RASSF9: variants seen among roughly 807,000 people sequenced by gnomAD.
RASSF9 encodes ras association domain-containing protein 9.
RASSF9 carries 18 observed loss-of-function variants against 21.4 expected under a neutral mutation model. The observed-to-expected ratio is 0.84, with a 90% CI of 0.58 to 1.25. RASSF9 has a LOEUF of 1.25. Ranked by LOEUF, RASSF9 falls within the 50% of genes most tolerant of loss-of-function variation. The probability of loss-of-function intolerance (pLI) is 0.00; values close to 1 mark genes in which losing one functional copy is unlikely to be tolerated. For synonymous variants in RASSF9, 183 were observed against 179.1 expected (o/e 1.02, Z -0.18); for missense variants, 480 against 503.2 (o/e 0.95, Z 0.44).
rs2136546796 is a variant in RASSF9, at chr12:85,801,841, A to G, written c.*2861T>C. On this transcript the variant is annotated 3_prime_UTR_variant, in exon 2 of 2. Transcript: ENST00000361228. ...AGGAAAAAAAAAATAGAATTCATTG[A>G]AGGAGGGGAATTAGGTAAGTGCATA... 1 of 152,366 alleles carries G rather than the reference A, an allele frequency of 6.6e-6. No homozygotes were observed. Among genetic ancestry groups the G allele is most frequent in the Admixed American group, 6.5e-5 (1 of 15,302 alleles). 9.4% of individuals were successfully genotyped at this position (152,366 alleles called of 1,614,324 possible).
intron 1 of RASSF9, among the ~76,000 whole-genome samples, chr12:85,832,137 G>A (rs1310857192): frequency 6.6e-6 from 1 of 151,894 alleles, no homozygotes; most frequent in Non-Finnish European, 1.5e-5. Context: ...GAAAATGAGA[G>A]AAAACTAAAT....
Position 85,835,357 on chromosome 12 carries a change from T to C in RASSF9, c.47+798A>G, listed in dbSNP as rs538081258. Among the ~76,000 whole-genome samples, 48 of 152,312 alleles carry C rather than the reference T, an allele frequency of 3.2e-4. No homozygotes were observed. In the East Asian group the frequency reaches 5.2e-3, roughly 17 times the overall value. On this transcript the variant is annotated intron_variant, in intron 1 of 1. Coordinates refer to ENST00000361228, the MANE Select transcript of RASSF9 (RefSeq NM_005447.4). ...GCATGAAAACGTAACATTTGATGTG[T>C]AAATAAAATATTTAATAAGACTAAG...
intron 1 of RASSF9, among the ~76,000 whole-genome samples, chr12:85,827,331 T>A (rs555479546): frequency 6.6e-6 from 1 of 152,280 alleles, no homozygotes; most frequent in East Asian, 1.9e-4. Context: ...ATCAATTTTG[T>A]CACCTACATT....
intron 1 of RASSF9, among the ~76,000 whole-genome samples, chr12:85,818,282 T>C (rs1391872659): frequency 2.0e-5 from 3 of 152,198 alleles, no homozygotes; most frequent in South Asian, 2.1e-4. Flanking sequence ...ATCAAACCCA[T>C]GTTACAGATT....
At position 85,804,967 on chromosome 12, in the gene RASSF9, G is replaced by C. The variant is rs761041058; in HGVS notation, c.1043C>G (p.Ser348Ter). ...GIQKEIKYSD[S>*]LLQMKAKEYE... is the part of the protein sequence containing the mutation. The stretch of plus-strand genomic sequence containing the variant: ...TTCTTTTGCTTTCATCTGAAGCAAT[G>C]AGTCACTGTATTTAATCTCTTTCTG... The change falls in exon 2 of 2, where the codon TCA becomes TGA. Residue 348 changes from serine to a stop codon, truncating the protein, a stop_gained. Coordinates refer to ENST00000361228, the MANE Select transcript of RASSF9 (RefSeq NM_005447.4). LOFTEE classifies it high-confidence loss of function. 6.8e-6 allele frequency: 11 copies of C among 1,613,822 alleles called. No homozygotes were observed. In the South Asian group the frequency reaches 1.2e-4, roughly 18 times the overall value.
Position 85,810,613 on chromosome 12 carries a change from C to T in RASSF9, c.48-4651G>A, listed in dbSNP as rs17013375. On this transcript the variant is annotated intron_variant, in intron 1 of 1. Coordinates refer to ENST00000361228, the MANE Select transcript of RASSF9 (RefSeq NM_005447.4). ...GATCACAGCCCCATGAAAATCCAGT[C>T]GTCTGATATAAATAAATATTTTAAC... Among the ~76,000 whole-genome samples the T allele has an allele frequency of 5.9e-3, 899 of 152,000 alleles. 4 individuals carry two copies. Among genetic ancestry groups the T allele is most frequent in the African/African-American group, 0.021 (853 of 41,520 alleles).
At chr12:85,832,271 A>C (rs1290700309) in intron 1 of RASSF9, among the ~76,000 whole-genome samples, 1 of 151,880 alleles carries the variant, frequency 6.6e-6, no homozygotes, top group Non-Finnish European at 1.5e-5. Context: ...AATACATTGG[A>C]CACTATTTCA....
intron 1 of RASSF9, among the ~76,000 whole-genome samples, chr12:85,815,193 C>T (rs776430561): frequency 6.6e-6 from 1 of 151,922 alleles, no homozygotes; most frequent in Non-Finnish European, 1.5e-5. Context: ...AACCAAAAAC[C>T]TCTGGTTTAG....
In RASSF9 at chr12:85,805,050, A is replaced by G. The variant is rs1879788009; in HGVS notation, c.960T>C (p.Cys320=). Residue 320 remains cysteine, a synonymous_variant, in exon 2 of 2, where the codon TGT becomes TGC. Transcript: ENST00000361228. ...CAGCTTTCATGCTTTTCTCCAAATC[A>G]CACTTAACACTCTCTAAATTAGAGC... The part of the protein sequence containing the change: ...LESSNLESVK[C]DLEKSMKAGL... 2 of 1,613,826 alleles carry G rather than the reference A, an allele frequency of 1.2e-6. No homozygotes were observed. Among genetic ancestry groups the G allele is most frequent in the Non-Finnish European group, 1.7e-6 (2 of 1,179,886 alleles).
chr12:85,816,178 G>C lies in RASSF9; in HGVS notation c.48-10216C>G, dbSNP rs536808507. On this transcript the variant is annotated intron_variant, in intron 1 of 1. Transcript: ENST00000361228. ...AGAGGGTAGAGAGTGGGAGGAGGGA[G>C]AGGTTCAGGCAAAATAACTAATGGG... Among the ~76,000 whole-genome samples the C allele has an allele frequency of 3.9e-5, 6 of 152,082 alleles. No individual in the cohort carries two copies. In the East Asian group the frequency reaches 5.8e-4, roughly 15 times the overall value.
intron 1 of RASSF9, among the ~76,000 whole-genome samples, chr12:85,806,605 G>C (rs1469249096): frequency 6.8e-6 from 1 of 147,184 alleles, no homozygotes; most frequent in Non-Finnish European, 1.5e-5. Context: ...TCCAGGAGGC[G>C]GTGGTTGCAG....
chr12:85,834,698 A>T (rs1050181303), intron 1 of RASSF9, among the ~76,000 whole-genome samples: 2 of 152,134 alleles, frequency 1.3e-5, no homozygotes, highest in African/African-American at 2.4e-5. Context: ...TTTCCAGAGT[A>T]TTTTTATACA....
rs115685484 is a variant in RASSF9, at chr12:85,829,332, T to C, written c.47+6823A>G. Among the ~76,000 whole-genome samples the C allele has an allele frequency of 5.9e-3, 897 of 152,158 alleles. 4 individuals are homozygous for C. The highest frequency in any genetic ancestry group is 0.021 in the African/African-American group (854 of 41,508). ...TTAAAAGACTCATAAAATGGTAGAG[T>C]TACTCAATTTCAAGATCTGATACAC... is the stretch of plus-strand genomic sequence containing the variant. On this transcript the variant is annotated intron_variant, in intron 1 of 1. Coordinates refer to ENST00000361228, the MANE Select transcript of RASSF9 (RefSeq NM_005447.4).
chr12:85,826,723 A>C (rs1217497079), intron 1 of RASSF9, among the ~76,000 whole-genome samples: 1 of 151,934 alleles, frequency 6.6e-6, no homozygotes, highest in African/African-American at 2.4e-5. Context: ...GATTACAGGC[A>C]TGAGCCACCG....
chr12:85,815,395 G>A (rs554734337), intron 1 of RASSF9, among the ~76,000 whole-genome samples: 2 of 152,152 alleles, frequency 1.3e-5, no homozygotes, highest in African/African-American at 4.8e-5. Context: ...ACAAAAATAT[G>A]GTTATTTGTG....
At chr12:85,831,096 C>T (rs1880440045) in intron 1 of RASSF9, among the ~76,000 whole-genome samples, 1 of 151,994 alleles carries the variant, frequency 6.6e-6, no homozygotes, top group Non-Finnish European at 1.5e-5. Flanking sequence ...GATTCCTTGT[C>T]AAGGACTGGT....
Position 85,805,004 on chromosome 12 carries a change from A to C in RASSF9, c.1006T>G (p.Leu336Val). Residue 336 changes from leucine to valine, a missense_variant, in exon 2 of 2, where the codon TTG (leucine) becomes GTG (valine). Physicochemically the swap from Leu to Val is conservative, Grantham distance 32. Coordinates refer to ENST00000361228, the MANE Select transcript of RASSF9 (RefSeq NM_005447.4). ...MKAGLKIHSH[L>V]SGIQKEIKYS... ...TTAATCTCTTTCTGGATGCCACTCAAATGAGAGTGAATTTTCAAACCAGCT... is the reference window on the plus strand; with the variant it reads ...TTAATCTCTTTCTGGATGCCACTCACATGAGAGTGAATTTTCAAACCAGCT... 1 of 1,613,922 alleles carries C rather than the reference A, an allele frequency of 6.2e-7. No individual in the cohort carries two copies.
rs1333621451 is a variant in RASSF9 at position 85,804,372 on chromosome 12, A to G, written c.*330T>C. ...TGTTTGAATATTTGGACTGTCTAATATTGAGGATTGCTTTTAAAGTTTATG... is the reference window on the plus strand; with the variant it reads ...TGTTTGAATATTTGGACTGTCTAATGTTGAGGATTGCTTTTAAAGTTTATG... On this transcript the variant is annotated 3_prime_UTR_variant, in exon 2 of 2. Transcript: ENST00000361228. 1.8e-5 allele frequency: 4 copies of G among 217,248 alleles called. No individual in the cohort carries two copies. In the Admixed American group the frequency reaches 2.0e-4, roughly 11 times the overall value. 13.5% of individuals were successfully genotyped at this position (217,248 alleles called of 1,614,324 possible).
intron 1 of RASSF9, among the ~76,000 whole-genome samples, chr12:85,829,022 A>G (rs1317112458): frequency 6.6e-6 from 1 of 152,156 alleles, no homozygotes; most frequent in Non-Finnish European, 1.5e-5. Context: ...TGTTTTCCCA[A>G]AACAAACGCT....
Sources: gnomAD v4.1 joint callset for allele counts (sites outside exome capture counted in the v4.1 genomes callset) on GRCh38, gnomAD v4.1.1 for gene constraint, MANE v1.5 for transcripts, NCBI Gene and HGNC (gene_info 2026-07-23, HGNC 2026-07-21) for gene names.